Variants in ASCC2 observed in about 807,000 individuals in gnomAD.
ASCC2 encodes the protein activating signal cointegrator 1 complex subunit 2.
Under a neutral mutation model 93.5 loss-of-function variants are expected in ASCC2, and 42 were observed. That is an observed-to-expected ratio of 0.45 (90% confidence interval 0.35 to 0.58). The LOEUF (loss-of-function observed/expected upper bound fraction) is 0.58, where lower values mean the gene tolerates loss of function less well. ASCC2 is among the 20% of genes least tolerant of loss of function. The pLI is 0.00. For missense variants in ASCC2, 859 were observed against 977.6 expected, an observed-to-expected ratio of 0.88 and a Z score of 1.62; for synonymous variants, 364 against 384.2, an observed-to-expected ratio of 0.95 and a Z score of 0.62.
rs948191482 is a variant in ASCC2 at position 29,809,849 on chromosome 22, T to C, written c.834-1664A>G. 1.8e-4 allele frequency: 28 copies of C among 151,580 alleles called. 1 individual carries two copies. Among genetic ancestry groups the C allele is most frequent in the Non-Finnish European group, 3.7e-4 (25 of 67,958 alleles). 9.4% of individuals were successfully genotyped at this position (151,580 alleles called of 1,614,324 possible). ...TATTTTCAAATAAATATAATTATAC[T>C]AATTAAAAAAAAACAAAAGAAAAAC... On this transcript the variant is annotated intron_variant, in intron 8 of 19. Coordinates refer to ENST00000307790, the MANE Select transcript of ASCC2 (RefSeq NM_032204.5).
intron 7 of ASCC2, among the ~76,000 whole-genome samples, chr22:29,814,106 A>G (rs934276751): frequency 6.6e-6 from 1 of 152,202 alleles, no homozygotes; most frequent in African/African-American, 2.4e-5. Context: ...GCCCTTCTGA[A>G]ATGAGATCAC....
chr22:29,820,915 A>C (rs955688423), intron 5 of ASCC2, among the ~76,000 whole-genome samples: 30 of 113,830 alleles, frequency 2.6e-4, no homozygotes, highest in Middle Eastern at 4.6e-3. Context: ...TCAATACACA[A>C]AAAAAAAAAA....
Position 29,814,776 on chromosome 22 carries a change from G to A in ASCC2, c.610-9C>T. Reference sequence around the variant, plus strand: ...AGGATATTGCTGAAGACCTGTGAAAGACAAGAACGGGCTCTCTCACATCAT... The same window carrying A: ...AGGATATTGCTGAAGACCTGTGAAAAACAAGAACGGGCTCTCTCACATCAT... On this transcript the variant is annotated splice_polypyrimidine_tract_variant and intron_variant, in intron 6 of 19. Coordinates refer to ENST00000307790, the MANE Select transcript of ASCC2 (RefSeq NM_032204.5). 1.9e-6 allele frequency: 3 copies of A among 1,605,598 alleles called. No individual in the cohort carries two copies. Among genetic ancestry groups the A allele is most frequent in the Non-Finnish European group, 2.6e-6 (3 of 1,173,966 alleles).
intron 12 of ASCC2, 131 bp downstream of exon 12, chr22:29,806,085 C>A: frequency 1.0e-6 from 1 of 979,748 alleles, no homozygotes; most frequent in Non-Finnish European, 1.6e-6. Context: ...TGGCAGGCCA[C>A]CTCGGACAGC....
In ASCC2 at chr22:29,822,548, TG is replaced by T. The variant is rs920034168; in HGVS notation, c.412-85del. On this transcript the variant is annotated intron_variant, in intron 4 of 19. Transcript: ENST00000307790. ...TAGCAAACTCATGAGAAACGATCTT[TG>T]GTTCCATCAAATGGGGACTGGTTAA... 5 of 1,521,968 alleles carry T rather than the reference TG, an allele frequency of 3.3e-6. No homozygotes were observed. The African/African-American group carries it at 6.9e-5, about 21-fold the overall frequency. 94.3% of individuals were successfully genotyped at this position (1,521,968 alleles called of 1,614,324 possible).
intron 17 of ASCC2, 44 bp downstream of exon 17, chr22:29,793,316 G>A: frequency 1.9e-6 from 3 of 1,608,534 alleles, no homozygotes; most frequent in Non-Finnish European, 2.5e-6. Flanking sequence ...CCATGGGCCT[G>A]AGAGCTGCTC....
intron 5 of ASCC2, among the ~76,000 whole-genome samples, chr22:29,819,971 A>T (rs1338775158): frequency 6.6e-6 from 1 of 151,208 alleles, no homozygotes; most frequent in Non-Finnish European, 1.5e-5. Context: ...GGCATCCTCC[A>T]GAATCAGCCT....
intron 4 of ASCC2, among the ~76,000 whole-genome samples, chr22:29,823,187 C>G (rs745561632): frequency 6.6e-6 from 1 of 151,794 alleles, no homozygotes; most frequent in Non-Finnish European, 1.5e-5. Flanking sequence ...TACAGGAGCT[C>G]GCCACCACAC....
chr22:29,826,309 C>CTTTTG (rs899214483), intron 2 of ASCC2, among the ~76,000 whole-genome samples: 23 of 151,082 alleles, frequency 1.5e-4, no homozygotes, highest in Admixed American at 2.6e-4. Context: ...TCATATATTA[C>CTTTTG]TTTTGTTTTG....
chr22:29,792,814 C>T (rs1174657375), intron 17 of ASCC2, among the ~76,000 whole-genome samples: 6 of 151,686 alleles, frequency 4.0e-5, no homozygotes, highest in Non-Finnish European at 7.4e-5. Flanking sequence ...ATTGGGGAAT[C>T]GCTGTAACAT....
intron 5 of ASCC2, chr22:29,821,957 C>T (rs1307867257): frequency 2.2e-6 from 1 of 450,338 alleles, no homozygotes; most frequent in Admixed American, 2.4e-5. Flanking sequence ...TATGATTGCG[C>T]CACTGCACTC....
intron 4 of ASCC2, 143 bp from the exon 5 acceptor site, chr22:29,822,607 C>T: frequency 1.2e-6 from 1 of 835,792 alleles, no homozygotes; most frequent in Non-Finnish European, 1.8e-6. Context: ...GAGCAATGGC[C>T]ATTCTCCCCC....
intron 5 of ASCC2, among the ~76,000 whole-genome samples, chr22:29,818,407 CACACACACACACA>C (rs2061143635): frequency 1.2e-3 from 4 of 3,320 alleles, no homozygotes; most frequent in Non-Finnish European, 1.4e-3. Flanking sequence ...CCTGCCTACA[CACACACACACACA>C]CACACACACA....
At chr22:29,826,352 C>T (rs774589598) in intron 2 of ASCC2, among the ~76,000 whole-genome samples, 28 of 151,896 alleles carry the variant, frequency 1.8e-4, no homozygotes, top group South Asian at 4.2e-4. Context: ...GTCTCACTCC[C>T]GTTGCCCAGG....
intron 4 of ASCC2, among the ~76,000 whole-genome samples, chr22:29,823,188 G>A (rs1237683349): frequency 1.3e-5 from 2 of 151,866 alleles, no homozygotes; most frequent in African/African-American, 4.8e-5. Flanking sequence ...ACAGGAGCTC[G>A]CCACCACACC....
At chr22:29,793,210 T>G (rs2057992359) in intron 17 of ASCC2, 150 bp downstream of exon 17, 1 of 1,051,892 alleles carries the variant, frequency 9.5e-7, no homozygotes, top group African/African-American at 1.6e-5. Flanking sequence ...CCATTCAGGG[T>G]GGGCTGGGGT....
intron 5 of ASCC2, among the ~76,000 whole-genome samples, chr22:29,818,668 G>A (rs2061189357): frequency 6.6e-6 from 1 of 152,088 alleles, no homozygotes; most frequent in Non-Finnish European, 1.5e-5. Flanking sequence ...GATTCTCAAA[G>A]CAGTCAGTGA....
chr22:29,824,957 TG>T, intron 4 of ASCC2, 129 bp downstream of exon 4: 2 of 932,178 alleles, frequency 2.1e-6, no homozygotes, highest in East Asian at 2.9e-5. Context: ...TCCCCAACAG[TG>T]GGAATAAAGA....
intron 2 of ASCC2, among the ~76,000 whole-genome samples, chr22:29,830,701 T>C (rs2063032375): frequency 6.6e-6 from 1 of 152,218 alleles, no homozygotes. Context: ...TGGTCTGTCT[T>C]TCTCTTAGGT....
Sources: allele counts gnomAD v4.1 joint callset (sites outside exome capture counted in the v4.1 genomes callset), GRCh38; gene constraint gnomAD v4.1.1; transcripts MANE v1.5; gene names NCBI Gene and HGNC (gene_info 2026-07-23, HGNC 2026-07-21).